The following RMDN2 variants were observed in gnomAD, a reference collection of about 807,000 sequenced individuals.
RMDN2 encodes regulator of microtubule dynamics protein 2.
RMDN2 carries 61 observed loss-of-function variants against 52.8 expected under a neutral mutation model. The ratio of observed to expected loss-of-function variants is 1.16; its 90% confidence interval spans 0.94 to 1.43. The LOEUF (loss-of-function observed/expected upper bound fraction) is 1.43. Ranked by LOEUF, RMDN2 falls within the 40% of genes most tolerant of loss-of-function variation. The probability of loss-of-function intolerance (pLI) is 0.00; values close to 1 mark genes in which losing one functional copy is unlikely to be tolerated. For synonymous variants in RMDN2, 180 were observed against 153.1 expected, an observed-to-expected ratio of 1.18 and a Z score of -1.30; for missense variants, 592 against 475.3, an observed-to-expected ratio of 1.25 and a Z score of -2.28.
At position 38,003,909 on chromosome 2, in the gene RMDN2, A is replaced by G. The variant is rs184616726; in HGVS notation, c.1045-82A>G. 1.9e-4 allele frequency: 204 copies of G among 1,090,984 alleles called. No homozygotes were observed. In the African/African-American group the frequency reaches 3.0e-3, roughly 16 times the overall value. The allele number at this position is 1,090,984 out of a possible 1,614,324, so 67.6% of individuals were successfully genotyped here. A position where few individuals can be genotyped will look rare whatever the true frequency, so the allele number is the denominator to read the frequency against. On this transcript the variant is annotated intron_variant, in intron 8 of 10. Coordinates refer to ENST00000354545, the MANE Select transcript of RMDN2 (RefSeq NM_001170791.3). ...CAGTTTGGTTCATAATATTTGATTT[A>G]TTTAAATATATTCTCTTCACTTGTG...
intron 2 of RMDN2, chr2:37,951,918 A>T: frequency 6.2e-7 from 1 of 1,613,470 alleles, no homozygotes; most frequent in Admixed American, 1.7e-5. Flanking sequence ...TGCCAATGAT[A>T]TTCAACAAAG....
chr2:38,054,633 G>A (rs1345373091), intron 10 of RMDN2, among the ~76,000 whole-genome samples: 2 of 152,162 alleles, frequency 1.3e-5, no homozygotes, highest in African/African-American at 4.8e-5. Flanking sequence ...GTGCTTTGTT[G>A]CTCCAGGGTT....
At chr2:37,945,715 T>G (rs1668165096) in intron 2 of RMDN2, among the ~76,000 whole-genome samples, 2 of 152,192 alleles carry the variant, frequency 1.3e-5, no homozygotes, top group South Asian at 4.1e-4. Context: ...GTTTTATATT[T>G]ATTATCTCAT....
chr2:38,006,671 C>G (rs1677136689), intron 10 of RMDN2, among the ~76,000 whole-genome samples: 1 of 152,160 alleles, frequency 6.6e-6, no homozygotes, highest in South Asian at 2.1e-4. Flanking sequence ...TTGACTTCCT[C>G]TTTTCCTAAT....
At chr2:38,006,781 C>T (rs945208690) in intron 10 of RMDN2, among the ~76,000 whole-genome samples, 3 of 152,154 alleles carry the variant, frequency 2.0e-5, no homozygotes, top group Non-Finnish European at 2.9e-5. Flanking sequence ...CTGTCTTGTG[C>T]CAGTTTTCAA....
intron 2 of RMDN2, among the ~76,000 whole-genome samples, chr2:37,958,995 G>T (rs375974095): frequency 3.3e-5 from 5 of 151,072 alleles, no homozygotes; most frequent in African/African-American, 1.2e-4. Context: ...GCATCCTTAG[G>T]ATGAAGCTGA....
chr2:37,998,417 T>G (rs1267521356), intron 8 of RMDN2: 2 of 152,186 alleles, frequency 1.3e-5, no homozygotes, highest in Non-Finnish European at 2.9e-5. Context: ...TCCCAGCTAC[T>G]CAGGAGACTG....
intron 2 of RMDN2, among the ~76,000 whole-genome samples, chr2:37,935,987 T>C (rs1179475474): frequency 6.6e-6 from 1 of 152,142 alleles, no homozygotes; most frequent in Non-Finnish European, 1.5e-5. Context: ...GCCGTGGTGG[T>C]TTGCTGCACC....
Position 38,017,590 on chromosome 2 carries a change from A to C in RMDN2, c.*351A>C, listed in dbSNP as rs755997320. The C allele has an allele frequency of 8.1e-7, 1 of 1,230,944 alleles. No individual in the cohort carries two copies. The highest frequency in any genetic ancestry group is 1.4e-5 in the South Asian group (1 of 73,984). 76.3% of individuals were successfully genotyped at this position (1,230,944 alleles called of 1,614,324 possible). A position where few individuals can be genotyped will look rare whatever the true frequency, so the allele number is the denominator to read the frequency against. ...TGTTTCAATGGAGACTTCGTAAGAC[A>C]AAATAATTTCATTAATGTGGATGAA... On this transcript the variant is annotated 3_prime_UTR_variant, in exon 11 of 11. Transcript: ENST00000354545.
upstream of RMDN2, among the ~76,000 whole-genome samples, chr2:37,920,920 A>G (rs1369937873): frequency 6.6e-6 from 1 of 152,262 alleles, no homozygotes; most frequent in African/African-American, 2.4e-5. Flanking sequence ...TTCTTGAATC[A>G]TCACCGAAAT....
chr2:38,000,981 T>C (rs1676243558), intron 8 of RMDN2, among the ~76,000 whole-genome samples: 1 of 152,156 alleles, frequency 6.6e-6, no homozygotes, highest in Non-Finnish European at 1.5e-5. Context: ...GATCAGAGGA[T>C]GGGTGTGTGT....
chr2:38,021,563 A>G (rs1679382314), downstream of RMDN2, among the ~76,000 whole-genome samples: 3 of 152,142 alleles, frequency 2.0e-5, no homozygotes, highest in South Asian at 6.2e-4. Context: ...ACATCCGAAC[A>G]TCAGAAGGAA....
At chr2:37,951,489 T>G in intron 2 of RMDN2, 4 of 1,612,182 alleles carry the variant, frequency 2.5e-6, no homozygotes, top group Non-Finnish European at 3.4e-6. Context: ...TTCCCCTTAC[T>G]GGCAACAAAG....
chr2:38,066,682 G>A (rs1352734607), intron 10 of RMDN2, among the ~76,000 whole-genome samples: 1 of 152,142 alleles, frequency 6.6e-6, no homozygotes, highest in Non-Finnish European at 1.5e-5. Context: ...CCTGTACTCC[G>A]GTCTTATACT....
rs532836703 is a variant in RMDN2 at position 38,016,013 on chromosome 2, G to A, written c.1180-1173G>A. Among the ~76,000 whole-genome samples the A allele has an allele frequency of 5.7e-4, 87 of 152,262 alleles. 1 individual carries two copies. The Middle Eastern group carries it at 0.01, about 18-fold the overall frequency. The stretch of plus-strand genomic sequence containing the variant: ...ATAAGAGGGCAATTGCATAAATATA[G>A]CCAATATATTAAGTGCTTGAAACAT... On this transcript the variant is annotated intron_variant, in intron 10 of 10. Coordinates refer to ENST00000354545, the MANE Select transcript of RMDN2 (RefSeq NM_001170791.3).
intron 2 of RMDN2, among the ~76,000 whole-genome samples, chr2:37,964,207 C>G (rs1482516222): frequency 6.6e-6 from 1 of 151,902 alleles, no homozygotes; most frequent in East Asian, 1.9e-4. Flanking sequence ...AGGGGCTCCT[C>G]ACTTCTCAGA....
chr2:37,975,281 AAC>A lies in RMDN2; in HGVS notation c.703_704del (p.Gln235ArgfsTer7), dbSNP rs1327488936. 9.3e-6 allele frequency: 15 copies of A among 1,606,630 alleles called. No homozygotes were observed. In the African/African-American group the frequency reaches 1.1e-4, roughly 11 times the overall value. ...AYGDMYELST[N>X]TQEKKHYANI... ...TGGAGACATGTATGAACTATCTACA[AAC>A]ACACAAGAAAAGAAACATTATGCTA... On this transcript the variant is annotated frameshift_variant, in exon 4 of 11. Coordinates refer to ENST00000354545, the MANE Select transcript of RMDN2 (RefSeq NM_001170791.3). LOFTEE classifies it high-confidence loss of function.
intron 7 of RMDN2, among the ~76,000 whole-genome samples, chr2:37,995,578 A>C (rs572929199): frequency 6.6e-6 from 1 of 152,224 alleles, no homozygotes; most frequent in Non-Finnish European, 1.5e-5. Flanking sequence ...TTAGTAATTA[A>C]TGGAACAAGA....
intron 7 of RMDN2, among the ~76,000 whole-genome samples, chr2:37,993,201 A>G (rs889546458): frequency 7.2e-5 from 11 of 152,312 alleles, no homozygotes; most frequent in African/African-American, 2.2e-4. Flanking sequence ...CTGGGATTAC[A>G]GGCATGAACC....
Sources: allele counts gnomAD v4.1 joint callset (sites outside exome capture counted in the v4.1 genomes callset), GRCh38; gene constraint gnomAD v4.1.1; transcripts MANE v1.5; gene names NCBI Gene and HGNC (gene_info 2026-07-23, HGNC 2026-07-21).